Variants in EYA4 observed in about 807,000 individuals in gnomAD.
EYA4 encodes the protein protein phosphatase EYA4.
A neutral mutation model predicts 87.9 loss-of-function variants in EYA4; 31 were observed. The ratio of observed to expected loss-of-function variants is 0.35; its 90% CI spans 0.27 to 0.48. The LOEUF (loss-of-function observed/expected upper bound fraction) is 0.48, where lower values mean the gene tolerates loss of function less well. Among genes scored for constraint, EYA4 ranks in the 20% least tolerant of loss-of-function variants. The pLI, the probability that EYA4 is intolerant of heterozygous loss-of-function variation, is 0.99. For missense variants in EYA4, 678 were observed against 761.4 expected (o/e 0.89, Z 1.29); for synonymous variants, 263 against 270.6 (o/e 0.97, Z 0.28).
At chr6:133,399,495 A>G (rs1373814913) in intron 3 of EYA4, among the ~76,000 whole-genome samples, 1 of 152,204 alleles carries the variant, frequency 6.6e-6, no homozygotes, top group Non-Finnish European at 1.5e-5. Flanking sequence ...AAAAAAAAAT[A>G]CAATGAGGCT....
At chr6:133,289,592 C>A (rs1016226383) in intron 2 of EYA4, among the ~76,000 whole-genome samples, 1 of 152,260 alleles carries the variant, frequency 6.6e-6, no homozygotes, top group Non-Finnish European at 1.5e-5. Flanking sequence ...ATATGCCTCT[C>A]GTTATCTTTG....
rs1238480737 is a variant in EYA4 at position 133,488,304 on chromosome 6, T to C, written c.1191+5189T>C. Among the ~76,000 whole-genome samples, 4 of 152,288 alleles carry C rather than the reference T, an allele frequency of 2.6e-5. No homozygotes were observed. The East Asian group carries it at 7.7e-4, about 29-fold the overall frequency. On this transcript the variant is annotated intron_variant, in intron 13 of 19. Coordinates refer to ENST00000355286, the MANE Select transcript of EYA4 (RefSeq NM_004100.5). ...CTAGCTCCTAGATGGAGCCAGGCTC[T>C]GTAGACCCACCAGGGACCAGGGGAA...
intron 2 of EYA4, among the ~76,000 whole-genome samples, chr6:133,287,295 A>T (rs376569588): frequency 6.6e-6 from 1 of 152,232 alleles, no homozygotes; most frequent in Admixed American, 6.5e-5. Flanking sequence ...TCAATAAAAG[A>T]CAAGAAAGGA....
At chr6:133,354,017 T>C (rs867591220) in intron 2 of EYA4, among the ~76,000 whole-genome samples, 57 of 152,320 alleles carry the variant, frequency 3.7e-4, no homozygotes, top group African/African-American at 1.3e-3. Flanking sequence ...ATGATGAGAA[T>C]GCTACCTTTC....
chr6:133,446,177 A>G (rs1042170971), intron 3 of EYA4, among the ~76,000 whole-genome samples: 1 of 152,150 alleles, frequency 6.6e-6, no homozygotes, highest in South Asian at 2.1e-4. Flanking sequence ...TCAGCTCTCT[A>G]GTGTGTAGCT....
chr6:133,414,266 A>T (rs553234963), intron 3 of EYA4, among the ~76,000 whole-genome samples: 1 of 152,130 alleles, frequency 6.6e-6, no homozygotes, highest in Non-Finnish European at 1.5e-5. Flanking sequence ...GGAATGTCCT[A>T]CATTTCTTTG....
chr6:133,327,258 C>T (rs1259643228), intron 2 of EYA4, among the ~76,000 whole-genome samples: 1 of 152,012 alleles, frequency 6.6e-6, no homozygotes, highest in Non-Finnish European at 1.5e-5. Flanking sequence ...CTGTGTCACC[C>T]TCCCGAGTAG....
At chr6:133,305,237 TGTAGGTC>T (rs1273952433) in intron 2 of EYA4, among the ~76,000 whole-genome samples, 2 of 152,156 alleles carry the variant, frequency 1.3e-5, no homozygotes, top group Non-Finnish European at 2.9e-5. Flanking sequence ...GGCCAGAGTT[TGTAGGTC>T]TTTATTGGTC....
chr6:133,271,545 T>C (rs505227), intron 1 of EYA4, among the ~76,000 whole-genome samples: 116,778 of 152,118 alleles, frequency 0.77, 45,591 homozygotes, highest in African/African-American at 0.9. Context: ...CTTCCCTTTC[T>C]ATGATGGAAG....
intron 11 of EYA4, among the ~76,000 whole-genome samples, chr6:133,470,114 G>A (rs1327019824): frequency 6.7e-6 from 1 of 149,020 alleles, no homozygotes; most frequent in Non-Finnish European, 1.5e-5. Flanking sequence ...ATTTGTCAAT[G>A]TTGGCTTTTG....
intron 1 of EYA4, among the ~76,000 whole-genome samples, chr6:133,244,451 T>C (rs1384175034): frequency 6.6e-6 from 1 of 152,020 alleles, no homozygotes; most frequent in African/African-American, 2.4e-5. Flanking sequence ...AGTGATTGTA[T>C]AAAAAGGAAT....
chr6:133,243,403 AC>A (rs1774135929), intron 1 of EYA4, among the ~76,000 whole-genome samples: 1 of 151,818 alleles, frequency 6.6e-6, no homozygotes, highest in South Asian at 2.1e-4. Context: ...CACTTTGTGA[AC>A]CCTCGGGTGT....
At chr6:133,382,949 C>A (rs1191788556) in intron 3 of EYA4, among the ~76,000 whole-genome samples, 1 of 152,102 alleles carries the variant, frequency 6.6e-6, no homozygotes, top group Non-Finnish European at 1.5e-5. Flanking sequence ...AGTGGTGAGG[C>A]CACTTCATAT....
chr6:133,408,419 C>CAT (rs953582300), intron 3 of EYA4, among the ~76,000 whole-genome samples: 2 of 152,016 alleles, frequency 1.3e-5, no homozygotes, highest in African/African-American at 4.8e-5. Context: ...GTTAAAAATA[C>CAT]ATATATATTT....
At chr6:133,525,131 A>G (rs1208460211) in intron 18 of EYA4, 23 bp from the exon 19 acceptor site, 1 of 1,613,566 alleles carries the variant, frequency 6.2e-7, no homozygotes, top group East Asian at 2.2e-5. Context: ...TTCACTCTGA[A>G]CTTTATCTCA....
intron 2 of EYA4, among the ~76,000 whole-genome samples, chr6:133,337,324 A>G (rs1357794413): frequency 6.6e-6 from 1 of 152,044 alleles, no homozygotes; most frequent in African/African-American, 2.4e-5. Context: ...AGCACAAGAT[A>G]TGAGAAATGA....
chr6:133,269,792 G>GATAT (rs3065328), intron 1 of EYA4, among the ~76,000 whole-genome samples: 64 of 150,712 alleles, frequency 4.2e-4, no homozygotes, highest in African/African-American at 1.3e-3. Context: ...GAACTAATAG[G>GATAT]ATATATATAT....
rs540033709 is a variant in EYA4 at position 133,490,044 on chromosome 6, A to G, written c.1191+6929A>G. 5.3e-5 allele frequency among the ~76,000 whole-genome samples: 8 copies of G among 152,320 alleles called. 1 individual carries two copies. In the South Asian group the frequency reaches 1.5e-3, roughly 28 times the overall value. Reference sequence around the variant, plus strand: ...GAGTCAAAGTGTAGAGTTTTTAATTAGTTTTCTCTTTGCTGGTTTGTTAGT... The same window carrying G: ...GAGTCAAAGTGTAGAGTTTTTAATTGGTTTTCTCTTTGCTGGTTTGTTAGT... On this transcript the variant is annotated intron_variant, in intron 13 of 19. Transcript: ENST00000355286.
At chr6:133,433,370 T>A (rs942557458) in intron 3 of EYA4, among the ~76,000 whole-genome samples, 1 of 152,168 alleles carries the variant, frequency 6.6e-6, no homozygotes, top group Non-Finnish European at 1.5e-5. Flanking sequence ...GAGGCTCGGA[T>A]ATTTATGAGA....
Sources: gnomAD v4.1 joint callset for allele counts (sites outside exome capture counted in the v4.1 genomes callset) on GRCh38, gnomAD v4.1.1 for gene constraint, MANE v1.5 for transcripts, NCBI Gene and HGNC (gene_info 2026-07-23, HGNC 2026-07-21) for gene names.